ETNK2: variants seen among roughly 807,000 people sequenced by gnomAD.
The protein encoded by ETNK2 is ethanolamine kinase 2.
In ETNK2, 33 loss-of-function variants were observed where a neutral mutation model predicts 46.2. The observed-to-expected ratio is 0.71, with a 90% CI of 0.54 to 0.96. The LOEUF (loss-of-function observed/expected upper bound fraction) is 0.96. Ranked by LOEUF, ETNK2 falls within the 40% of genes least tolerant of loss-of-function variation. ETNK2 has a pLI of 0.00. For synonymous variants in ETNK2, 194 were observed against 209.0 expected (o/e 0.93, Z 0.62); for missense variants, 445 against 509.7 (o/e 0.87, Z 1.22).
In ETNK2 at chr1:204,141,397, C is replaced by G. The variant is rs775542456; in HGVS notation, c.702G>C (p.Glu234Asp). ...VLERELAWLKEHLSQLESPVV... is the reference protein window; with the variant it reads ...VLERELAWLKDHLSQLESPVV... ...CAGGGGACTCCAGCTGGGACAGATG[C>G]TCCTTCAGCCAGGCCAGCTCCCGTT... is the stretch of plus-strand genomic sequence containing the variant. The change falls in exon 4 of 8, where the codon GAG becomes GAC. Residue 234 changes from glutamate to aspartate, a missense_variant. Coordinates refer to ENST00000367202, the MANE Select transcript of ETNK2 (RefSeq NM_018208.4). 21 of 1,613,458 alleles carry G rather than the reference C, an allele frequency of 1.3e-5. No homozygotes were observed. In the East Asian group the frequency reaches 4.2e-4, roughly 33 times the overall value.
At chr1:204,149,145 A>C (rs571352580) in intron 2 of ETNK2, among the ~76,000 whole-genome samples, 12 of 152,196 alleles carry the variant, frequency 7.9e-5, no homozygotes, top group Non-Finnish European at 1.6e-4. Context: ...GCTCCCCAGG[A>C]GCCACAGGTT....
At chr1:204,134,711 G>A (rs755541445) in intron 6 of ETNK2, 123 bp from the exon 7 acceptor site, 1 of 1,602,522 alleles carries the variant, frequency 6.2e-7, no homozygotes, top group Non-Finnish European at 8.5e-7. Flanking sequence ...GAGATGTGGT[G>A]GGGTCTCCCT....
intron 3 of ETNK2, among the ~76,000 whole-genome samples, chr1:204,143,815 A>G (rs1450339520): frequency 6.6e-6 from 1 of 151,964 alleles, no homozygotes; most frequent in Non-Finnish European, 1.5e-5. Context: ...CCCACCCACC[A>G]GTATCTCCTT....
chr1:204,151,222 G>C lies in ETNK2; in HGVS notation c.258+373C>G. Reference sequence around the variant, plus strand: ...TGTATGGCTGGGTCGGGGGGGCGGGGGGTCTCTTAAAAGTTCCCGCCTCCT... The same window carrying C: ...TGTATGGCTGGGTCGGGGGGGCGGGCGGTCTCTTAAAAGTTCCCGCCTCCT... On this transcript the variant is annotated intron_variant, in intron 1 of 7. Coordinates refer to ENST00000367202, the MANE Select transcript of ETNK2 (RefSeq NM_018208.4). This position sits in a 1 kb window ranked among gnomAD's most constrained non-coding sequence, Gnocchi z 8.0. 1 of 371,644 alleles carries C rather than the reference G, an allele frequency of 2.7e-6. No homozygotes were observed. Among genetic ancestry groups the C allele is most frequent in the East Asian group, 7.4e-5 (1 of 13,602 alleles). The allele number at this position is 371,644 out of a possible 1,614,324, so 23.0% of individuals were successfully genotyped here. A position where few individuals can be genotyped will look rare whatever the true frequency, so the allele number is the denominator to read the frequency against.
chr1:204,148,378 G>T (rs993128880), intron 2 of ETNK2, among the ~76,000 whole-genome samples: 2 of 152,090 alleles, frequency 1.3e-5, no homozygotes, highest in Non-Finnish European at 2.9e-5. Flanking sequence ...GAGTGGTGAC[G>T]ACCTGACAAT....
intron 5 of ETNK2, among the ~76,000 whole-genome samples, chr1:204,139,487 A>G (rs1017973955): frequency 2.6e-5 from 4 of 152,186 alleles, no homozygotes; most frequent in African/African-American, 9.7e-5. Flanking sequence ...GTTTCCTCCA[A>G]TGAGACTTGG....
intron 3 of ETNK2, 32 bp from the exon 4 acceptor site, chr1:204,141,489 A>C (rs1261456085): frequency 1.3e-6 from 2 of 1,553,626 alleles, no homozygotes; most frequent in Non-Finnish European, 1.7e-6. Context: ...AGCCAGTGAA[A>C]GGAGGGCTGA....
In ETNK2 at chr1:204,151,715, CG is replaced by C. The variant is rs1658012053; in HGVS notation, c.137del (p.Pro46ArgfsTer129). The C allele has an allele frequency of 1.9e-6, 3 of 1,542,510 alleles. No homozygotes were observed. Among genetic ancestry groups the C allele is most frequent in the Middle Eastern group, 1.7e-4 (1 of 5,930 alleles). ...CGAAGTACGCGACGGCGGCGGCCCTCGGGGGGCCCGGCGGCTCCCGGCAGCT... is the reference window on the plus strand; with the variant it reads ...CGAAGTACGCGACGGCGGCGGCCCTCGGGGGCCCGGCGGCTCCCGGCAGCT... ...SASCREPPGP[P>X]RAAAVAYFGI... On this transcript the variant is annotated frameshift_variant, in exon 1 of 8. Transcript: ENST00000367202. LOFTEE classifies it high-confidence loss of function. The surrounding 1 kb of genome is among the most constrained non-coding windows in gnomAD (Gnocchi z 8.0).
intron 2 of ETNK2, among the ~76,000 whole-genome samples, chr1:204,148,056 C>T (rs1249209383): frequency 6.6e-6 from 1 of 152,156 alleles, no homozygotes; most frequent in African/African-American, 2.4e-5. Context: ...CCTCAACACT[C>T]AGCATTTTCA....
In ETNK2 at chr1:204,151,657, C is replaced by G; in HGVS notation, c.196G>C (p.Gly66Arg). The stretch of plus-strand genomic sequence containing the variant: ...AGCTCCTGGATGAGGCGCAGGGCCC[C>G]GGGAAGGATGTCGTCCGGGTCCACG... ...ISVDPDDILPGALRLIQELRP... is the reference protein window; with the variant it reads ...ISVDPDDILPRALRLIQELRP... The change falls in exon 1 of 8, where the codon GGG (glycine) becomes CGG (arginine). Residue 66 changes from glycine (G) to arginine (R), a missense_variant. By Grantham distance (125) the Gly-to-Arg change is moderately radical (BLOSUM62 -2). Transcript: ENST00000367202. This position sits in a 1 kb window ranked among gnomAD's most constrained non-coding sequence, Gnocchi z 8.0. 6.5e-7 allele frequency: 1 copy of G among 1,549,072 alleles called. No homozygotes were observed. Among genetic ancestry groups the G allele is most frequent in the Non-Finnish European group, 8.7e-7 (1 of 1,146,292 alleles).
chr1:204,135,577 C>T (rs1657250174), intron 6 of ETNK2, among the ~76,000 whole-genome samples: 2 of 152,186 alleles, frequency 1.3e-5, no homozygotes, highest in Non-Finnish European at 2.9e-5. Flanking sequence ...ATCCTCCTCA[C>T]TCAGGGGTTG....
At chr1:204,139,917 A>T in intron 5 of ETNK2, 118 bp downstream of exon 5, 1 of 804,744 alleles carries the variant, frequency 1.2e-6, no homozygotes, top group Non-Finnish European at 2.1e-6. Context: ...GTACAGTAAA[A>T]ATATGGTACC....
intron 3 of ETNK2, 163 bp from the exon 4 acceptor site, chr1:204,141,620 T>C (rs570224117): frequency 5.4e-6 from 4 of 735,710 alleles, no homozygotes; most frequent in South Asian, 3.8e-5. Context: ...ATCTGTAAAA[T>C]GGCACTGAGG....
At position 204,132,039 on chromosome 1, in the gene ETNK2, G is replaced by C; in HGVS notation, c.*145C>G. On this transcript the variant is annotated 3_prime_UTR_variant, in exon 8 of 8. Coordinates refer to ENST00000367202, the MANE Select transcript of ETNK2 (RefSeq NM_018208.4). Reference sequence around the variant, plus strand: ...TCTTCAGTGGCAACCACTGGGGTCTGGCGGCAGGGACAGAGCCTTCTCCCT... The same window carrying C: ...TCTTCAGTGGCAACCACTGGGGTCTCGCGGCAGGGACAGAGCCTTCTCCCT... 1 of 701,658 alleles carries C rather than the reference G, an allele frequency of 1.4e-6. No individual in the cohort carries two copies. The highest frequency in any genetic ancestry group is 1.7e-5 in the South Asian group (1 of 60,336). 43.5% of individuals were successfully genotyped at this position (701,658 alleles called of 1,614,324 possible).
chr1:204,135,179 A>T (rs1657234464), intron 6 of ETNK2, among the ~76,000 whole-genome samples: 1 of 152,146 alleles, frequency 6.6e-6, no homozygotes, highest in Admixed American at 6.5e-5. Flanking sequence ...GGAAACAAGA[A>T]TCCCCCAAGT....
intron 1 of ETNK2, 28 bp from the exon 2 acceptor site, chr1:204,149,990 G>T: frequency 3.4e-6 from 4 of 1,180,808 alleles, no homozygotes; most frequent in Non-Finnish European, 4.8e-6. Flanking sequence ...CAGTGCGTGG[G>T]TGGGTGGGTG....
chr1:204,131,866 C>A lies in ETNK2; in HGVS notation c.*318G>T. 5.5e-6 allele frequency: 2 copies of A among 363,144 alleles called. No individual in the cohort carries two copies. The highest frequency in any genetic ancestry group is 1.0e-5 in the Non-Finnish European group (2 of 193,086). 22.5% of individuals were successfully genotyped at this position (363,144 alleles called of 1,614,324 possible). A position where few individuals can be genotyped will look rare whatever the true frequency, so the allele number is the denominator to read the frequency against. On this transcript the variant is annotated 3_prime_UTR_variant, in exon 8 of 8. Transcript: ENST00000367202. This position sits in a 1 kb window ranked among gnomAD's most constrained non-coding sequence, Gnocchi z 4.3. ...ACACACATATAAGGCAGCCCCAATT[C>A]CAGCAGGGCCTGAGGCTGGGAATGA...
At chr1:204,144,042 C>T (rs2102296188) in intron 3 of ETNK2, among the ~76,000 whole-genome samples, 1 of 152,162 alleles carries the variant, frequency 6.6e-6, no homozygotes, top group East Asian at 1.9e-4. Flanking sequence ...ACCTGGGGTG[C>T]CTATCAAAAT....
At position 204,133,537 on chromosome 1, in the gene ETNK2, T is replaced by TA. The variant is rs113494539; in HGVS notation, c.1088+977_1088+978insT. Among the ~76,000 whole-genome samples the TA allele has an allele frequency of 1.5e-3, 214 of 141,660 alleles. 1 individual carries two copies. The highest frequency in any genetic ancestry group is 0.011 in the Middle Eastern group (3 of 282). The allele number at this position is 141,660 out of a possible 152,430, so 92.9% of individuals were successfully genotyped here. The stretch of plus-strand genomic sequence containing the variant: ...TCATTTCATTTTATTTTATTTTATT[T>TA]TTTTTTTTTTTTGAGACGGAGTCTC... On this transcript the variant is annotated intron_variant, in intron 7 of 7. Transcript: ENST00000367202.
Sources: gnomAD v4.1 joint callset for allele counts (sites outside exome capture counted in the v4.1 genomes callset) on GRCh38, gnomAD v4.1.1 for gene constraint, Gnocchi (gnomAD v3.1) non-coding constraint, MANE v1.5 for transcripts, NCBI Gene and HGNC (gene_info 2026-07-23, HGNC 2026-07-21) for gene names.